STAB2: variants seen among roughly 807,000 people sequenced by gnomAD.
STAB2 encodes the protein stabilin-2.
In STAB2, 288 loss-of-function variants were observed where a neutral mutation model predicts 338.1. The ratio of observed to expected loss-of-function variants is 0.85; its 90% CI spans 0.77 to 0.94. The LOEUF is 0.94. Among genes scored for constraint, STAB2 ranks in the 40% least tolerant of loss-of-function variants. The pLI, the probability that STAB2 is intolerant of heterozygous loss-of-function variation, is 0.00. For synonymous variants in STAB2, 1,202 were observed against 1,193.3 expected (o/e 1.01, Z -0.15); for missense variants, 3,141 against 3,210.1 (o/e 0.98, Z 0.52).
Position 103,690,508 on chromosome 12 carries a change from C to A in STAB2, c.3267C>A (p.Gly1089=). The A allele has an allele frequency of 6.2e-7, 1 of 1,614,114 alleles. No individual in the cohort carries two copies. Among genetic ancestry groups the A allele is most frequent in the Non-Finnish European group, 8.5e-7 (1 of 1,179,962 alleles). The change falls in exon 30 of 69, where the codon GGC becomes GGA. Residue 1089 remains glycine (G), a synonymous_variant. Transcript: ENST00000388887. The part of the protein sequence containing the change: ...SSDMLATSLQ[G]NFLHLAKVDG... ...ACATGTTGGCAACATCTTTGCAGGG[C>A]AACTTCCTTCACTTGGCAAAGGTGG...
At chr12:103,639,333 C>A (rs1401545969) in intron 8 of STAB2, among the ~76,000 whole-genome samples, 3 of 152,072 alleles carry the variant, frequency 2.0e-5, no homozygotes, top group Non-Finnish European at 4.4e-5. Context: ...TGGGAAGGGG[C>A]TTTCTTGTGC....
intron 3 of STAB2, among the ~76,000 whole-genome samples, chr12:103,617,999 A>G (rs1957237277): frequency 6.6e-6 from 1 of 152,236 alleles, no homozygotes; most frequent in Admixed American, 6.5e-5. Context: ...CCACCTCCAT[A>G]GTACCTGCAT....
chr12:103,612,071 G>A (rs1018392663), intron 3 of STAB2, among the ~76,000 whole-genome samples: 2 of 152,106 alleles, frequency 1.3e-5, no homozygotes, highest in African/African-American at 2.4e-5. Flanking sequence ...TAGTCTGATG[G>A]GCTTCTCTTT....
At chr12:103,616,304 G>C (rs1192895161) in intron 3 of STAB2, among the ~76,000 whole-genome samples, 1 of 152,170 alleles carries the variant, frequency 6.6e-6, no homozygotes, top group Non-Finnish European at 1.5e-5. Flanking sequence ...AGTGGAACAG[G>C]CACCAAGATG....
intron 35 of STAB2, among the ~76,000 whole-genome samples, chr12:103,703,828 G>A (rs561592555): frequency 5.3e-5 from 8 of 152,220 alleles, no homozygotes; most frequent in East Asian, 1.9e-4. Flanking sequence ...GTTATATGCC[G>A]GGCACTGCTC....
intron 25 of STAB2, 45 bp downstream of exon 25, chr12:103,677,656 A>G (rs371928278): frequency 8.8e-6 from 14 of 1,583,172 alleles, no homozygotes; most frequent in Admixed American, 5.1e-5. Flanking sequence ...GGAATCCTGC[A>G]GTGACTTTGC....
chr12:103,613,676 T>C (rs970080910), intron 3 of STAB2, among the ~76,000 whole-genome samples: 1 of 152,082 alleles, frequency 6.6e-6, no homozygotes, highest in Non-Finnish European at 1.5e-5. Context: ...TCACACTAGG[T>C]GCACTGCACC....
intron 25 of STAB2, among the ~76,000 whole-genome samples, chr12:103,682,620 T>C (rs550123094): frequency 5.9e-5 from 9 of 152,264 alleles, no homozygotes; most frequent in African/African-American, 2.2e-4. Context: ...CCAAGTTCTC[T>C]CTGAGACTAT....
At chr12:103,661,961 G>A (rs1565993233) in intron 17 of STAB2, among the ~76,000 whole-genome samples, 1 of 152,172 alleles carries the variant, frequency 6.6e-6, no homozygotes, top group Non-Finnish European at 1.5e-5. Context: ...CTTGGAATGA[G>A]AGGAGAAGCA....
Position 103,750,721 on chromosome 12 carries a change from G to C in STAB2, c.6580+1G>C, listed in dbSNP as rs755366193. 1 of 1,612,200 alleles carries C rather than the reference G, an allele frequency of 6.2e-7. No individual in the cohort carries two copies. Among genetic ancestry groups the C allele is most frequent in the East Asian group, 2.2e-5 (1 of 44,802 alleles). ...AAATGTGTCGACCTCCACTTCCAGGGTTAGTGTGACCAGGGCCTATGGCCC... is the reference window on the plus strand; with the variant it reads ...AAATGTGTCGACCTCCACTTCCAGGCTTAGTGTGACCAGGGCCTATGGCCC... On this transcript the variant is annotated splice_donor_variant, in intron 60 of 68. Coordinates refer to ENST00000388887, the MANE Select transcript of STAB2 (RefSeq NM_017564.10). LOFTEE classifies it high-confidence loss of function.
intron 9 of STAB2, among the ~76,000 whole-genome samples, chr12:103,648,381 AAT>A (rs1241509383): frequency 6.6e-6 from 1 of 152,178 alleles, no homozygotes; most frequent in African/African-American, 2.4e-5. Context: ...TATTATATTA[AAT>A]ATGTTATATT....
intron 9 of STAB2, among the ~76,000 whole-genome samples, chr12:103,643,161 C>G (rs1873048791): frequency 6.6e-6 from 1 of 152,100 alleles, no homozygotes; most frequent in Non-Finnish European, 1.5e-5. Flanking sequence ...GGGTAGGGAG[C>G]TCTCTGGGAC....
intron 61 of STAB2, 32 bp downstream of exon 61, chr12:103,753,385 CAG>C (rs1883839848): frequency 1.2e-6 from 2 of 1,613,818 alleles, no homozygotes; most frequent in Admixed American, 1.7e-5. Context: ...TCTGTGCAGA[CAG>C]AGTCTGCAGG....
intron 11 of STAB2, 62 bp downstream of exon 11, chr12:103,650,640 C>A (rs1272226758): frequency 7.4e-7 from 1 of 1,352,888 alleles, no homozygotes. Context: ...TAGGGAGTAC[C>A]TTCTTTTATT....
intron 20 of STAB2, chr12:103,669,090 T>A (rs1191440281): frequency 1.1e-5 from 3 of 263,502 alleles, no homozygotes; most frequent in Non-Finnish European, 2.2e-5. Context: ...CTAACTCATC[T>A]TCAGTGTCTC....
intron 2 of STAB2, among the ~76,000 whole-genome samples, chr12:103,592,446 T>C (rs1956814131): frequency 6.6e-6 from 1 of 152,086 alleles, no homozygotes; most frequent in Admixed American, 6.5e-5. Flanking sequence ...CATTCAGAAA[T>C]GTTTTAGATT....
intron 51 of STAB2, among the ~76,000 whole-genome samples, chr12:103,734,389 GCA>G (rs1246011175): frequency 6.8e-6 from 1 of 147,710 alleles, no homozygotes; most frequent in Non-Finnish European, 1.5e-5. Context: ...ATAGGAGCAA[GCA>G]CAATCATATG....
chr12:103,617,759 T>C (rs1443534339), intron 3 of STAB2, among the ~76,000 whole-genome samples: 1 of 152,248 alleles, frequency 6.6e-6, no homozygotes, highest in Non-Finnish European at 1.5e-5. Context: ...GCCTGTTACC[T>C]GAGCTGTTGT....
At chr12:103,726,585 T>C (rs1196889857) in intron 46 of STAB2, among the ~76,000 whole-genome samples, 4 of 152,148 alleles carry the variant, frequency 2.6e-5, no homozygotes, top group South Asian at 4.1e-4. Context: ...GGACCCTGGA[T>C]TTCTAGAATT....
Sources: gnomAD v4.1 joint callset for allele counts (sites outside exome capture counted in the v4.1 genomes callset) on GRCh38, gnomAD v4.1.1 for gene constraint, MANE v1.5 for transcripts, NCBI Gene and HGNC (gene_info 2026-07-23, HGNC 2026-07-21) for gene names.